The following HDAC9 variants were observed in gnomAD, a reference collection of about 807,000 sequenced individuals.
HDAC9 encodes the protein histone deacetylase 9, also known as MEF-2 interacting transcription repressor (MITR) protein.
In HDAC9, 41 loss-of-function variants were observed where a neutral mutation model predicts 139.4. The observed-to-expected ratio is 0.29, with a 90% confidence interval of 0.23 to 0.38. The LOEUF (loss-of-function observed/expected upper bound fraction) is 0.38, where lower values mean the gene tolerates loss of function less well. Among genes scored for constraint, HDAC9 ranks in the 10% least tolerant of loss-of-function variants. The pLI, the probability that HDAC9 is intolerant of heterozygous loss-of-function variation, is 1.00. For missense variants in HDAC9, 1,147 were observed against 1,297.0 expected, an observed-to-expected ratio of 0.88 and a Z score of 1.78; for synonymous variants, 517 against 476.2, an observed-to-expected ratio of 1.09 and a Z score of -1.12.
chr7:18,745,883 C>CTTT (rs752292349), intron 13 of HDAC9, among the ~76,000 whole-genome samples: 1,777 of 99,186 alleles, frequency 0.018, 50 homozygotes, highest in African/African-American at 0.039. Context: ...TCTTCTTCTT[C>CTTT]TTTTTTTTTT....
At chr7:18,646,755 C>G (rs1189668087) in intron 9 of HDAC9, among the ~76,000 whole-genome samples, 6 of 152,102 alleles carry the variant, frequency 3.9e-5, no homozygotes, top group Admixed American at 1.3e-4. Context: ...TTTGTAATAG[C>G]AAAATGACCA....
At chr7:18,914,309 C>T (rs896742710) in intron 22 of HDAC9, among the ~76,000 whole-genome samples, 4 of 151,650 alleles carry the variant, frequency 2.6e-5, no homozygotes, top group African/African-American at 9.7e-5. Flanking sequence ...TATTTTGTTA[C>T]AGCAGCCCAG....
intron 2 of HDAC9, among the ~76,000 whole-genome samples, chr7:18,220,915 C>T (rs1010236284): frequency 6.6e-6 from 1 of 152,082 alleles, no homozygotes; most frequent in Non-Finnish European, 1.5e-5. Flanking sequence ...GTAATGTTAT[C>T]TTGTTCTCTT....
intron 1 of HDAC9, among the ~76,000 whole-genome samples, chr7:18,111,599 A>G (rs1157333099): frequency 6.6e-6 from 1 of 152,230 alleles, no homozygotes; most frequent in African/African-American, 2.4e-5. Context: ...TATTACTAAT[A>G]ATACCTAATT....
intron 21 of HDAC9, among the ~76,000 whole-genome samples, chr7:18,851,143 A>C (rs1797256155): frequency 6.6e-6 from 1 of 152,154 alleles, no homozygotes; most frequent in South Asian, 2.1e-4. Flanking sequence ...CTCTGCTCTC[A>C]CCAGATTTCC....
intron 16 of HDAC9, among the ~76,000 whole-genome samples, chr7:18,769,791 C>T (rs1790130653): frequency 6.6e-6 from 1 of 151,986 alleles, no homozygotes. Flanking sequence ...ACACAAGATC[C>T]CCAGTATGAT....
At chr7:18,277,107 C>A (rs1259745863) in intron 2 of HDAC9, among the ~76,000 whole-genome samples, 13 of 151,652 alleles carry the variant, frequency 8.6e-5, no homozygotes, top group African/African-American at 3.2e-4. Flanking sequence ...AAACAAAAAA[C>A]AAAAAAACAG....
intron 1 of HDAC9, among the ~76,000 whole-genome samples, chr7:18,443,003 C>G (rs1167203193): frequency 6.6e-6 from 1 of 152,116 alleles, no homozygotes; most frequent in Non-Finnish European, 1.5e-5. Flanking sequence ...ATTATTCTCT[C>G]AAAACAACAC....
chr7:18,638,108 T>G (rs971035320), intron 8 of HDAC9, among the ~76,000 whole-genome samples: 1 of 152,066 alleles, frequency 6.6e-6, no homozygotes, highest in Non-Finnish European at 1.5e-5. Context: ...TTTACAAAAT[T>G]GGCTTATTTT....
At chr7:18,315,268 G>T (rs1052582361) in intron 1 of HDAC9, among the ~76,000 whole-genome samples, 1 of 152,060 alleles carries the variant, frequency 6.6e-6, no homozygotes, top group Non-Finnish European at 1.5e-5. Flanking sequence ...TCACTGTTCT[G>T]TGTTTACCAT....
chr7:18,495,847 T>C lies in HDAC9; in HGVS notation c.-218T>C. ...AAAACCCTAGCAGCCTGAAGAACTC[T>C]AAGCCAGGTTTAATTGGTTTCTTTT... On this transcript the variant is annotated 5_prime_UTR_variant, in exon 1 of 26. Coordinates refer to ENST00000686413, the MANE Select transcript of HDAC9 (RefSeq NM_178425.4). 1 of 1,054,356 alleles carries C rather than the reference T, an allele frequency of 9.5e-7. No individual in the cohort carries two copies. Among genetic ancestry groups the C allele is most frequent in the Non-Finnish European group, 1.1e-6 (1 of 875,300 alleles). 65.3% of individuals were successfully genotyped at this position (1,054,356 alleles called of 1,614,324 possible).
chr7:18,258,865 C>T (rs184059600), intron 2 of HDAC9, among the ~76,000 whole-genome samples: 2 of 150,678 alleles, frequency 1.3e-5, no homozygotes, highest in Non-Finnish European at 2.9e-5. Flanking sequence ...TCTCCTGGAG[C>T]AAGTGCTGTT....
intron 8 of HDAC9, among the ~76,000 whole-genome samples, chr7:18,641,013 C>T (rs1035539889): frequency 6.6e-6 from 1 of 152,066 alleles, no homozygotes; most frequent in African/African-American, 2.4e-5. Flanking sequence ...ACTACTGTCC[C>T]ACCAGCATCA....
chr7:18,743,918 T>G (rs1787688635), intron 13 of HDAC9, among the ~76,000 whole-genome samples: 1 of 151,828 alleles, frequency 6.6e-6, no homozygotes, highest in Middle Eastern at 3.2e-3. Flanking sequence ...AATTTTTGTG[T>G]TTTTAGGAGA....
chr7:18,128,730 G>C (rs888952195), intron 1 of HDAC9, among the ~76,000 whole-genome samples: 1 of 151,388 alleles, frequency 6.6e-6, no homozygotes, highest in Admixed American at 6.6e-5. Context: ...AATGGTAGGG[G>C]TTAGGGAAGA....
Position 18,793,461 on chromosome 7 carries a change from C to G in HDAC9, c.2322+9C>G, listed in dbSNP as rs375171054. On this transcript the variant is annotated intron_variant, in intron 17 of 25. Coordinates refer to ENST00000686413, the MANE Select transcript of HDAC9 (RefSeq NM_178425.4). ...CCTCAGGAGAGCTGAAGGTGAGGTC[C>G]GGGTTGCATTAAGTGTGGGAAATCC... 18 of 1,519,328 alleles carry G rather than the reference C, an allele frequency of 1.2e-5. 1 individual carries two copies. The highest frequency in any genetic ancestry group is 5.8e-5 in the Admixed American group (3 of 52,062). The allele number at this position is 1,519,328 out of a possible 1,614,324, so 94.1% of individuals were successfully genotyped here. A position where few individuals can be genotyped will look rare whatever the true frequency, so the allele number is the denominator to read the frequency against.
chr7:18,946,036 C>CAAAATAAAAATAAAAAAAAAAA (rs1563077235), intron 23 of HDAC9, among the ~76,000 whole-genome samples: 1 of 38,260 alleles, frequency 2.6e-5, no homozygotes, highest in African/African-American at 7.4e-5. Context: ...GACTCCGTCT[C>CAAAATAAAAATAAAAAAAAAAA]AAAAAAAAAA....
At chr7:18,094,570 CA>C (rs1782380505) in intron 1 of HDAC9, among the ~76,000 whole-genome samples, 1 of 91,052 alleles carries the variant, frequency 1.1e-5, no homozygotes, top group African/African-American at 5.2e-5. Flanking sequence ...AGCTAGGACT[CA>C]CAGGCTCATG....
chr7:18,397,159 C>G (rs1465809867), intron 1 of HDAC9, among the ~76,000 whole-genome samples: 1 of 152,058 alleles, frequency 6.6e-6, no homozygotes, highest in African/African-American at 2.4e-5. Flanking sequence ...AGGCACACAG[C>G]TTTTAAATGG....
Sources: allele counts gnomAD v4.1 joint callset (sites outside exome capture counted in the v4.1 genomes callset), GRCh38; gene constraint gnomAD v4.1.1; transcripts MANE v1.5; gene names NCBI Gene and HGNC (gene_info 2026-07-23, HGNC 2026-07-21).